FGL1: variants seen among roughly 807,000 people sequenced by gnomAD.
FGL1 encodes fibrinogen like 1.
FGL1 carries 59 observed loss-of-function variants against 43.7 expected under a neutral mutation model. The ratio of observed to expected loss-of-function variants is 1.35; its 90% confidence interval spans 1.10 to 1.68. The LOEUF is 1.68. Ranked by LOEUF, FGL1 falls within the 40% of genes most tolerant of loss-of-function variation. FGL1 has a pLI of 0.00. For missense variants in FGL1, 596 were observed against 373.0 expected (o/e 1.60, Z -4.92); for synonymous variants, 192 against 126.5 (o/e 1.52, Z -3.48).
In FGL1 at chr8:17,874,630, TG is replaced by T. The variant is rs564112410; in HGVS notation, c.245-110del. On this transcript the variant is annotated intron_variant, in intron 3 of 7. Transcript: ENST00000427924. ...AGTATCACTGGAGACAGATAACACA[TG>T]GTATAGAAATCAGCGTTTTAAAATT... 126 of 741,224 alleles carry T rather than the reference TG, an allele frequency of 1.7e-4. No individual in the cohort carries two copies. The South Asian group carries it at 2.5e-3, about 15-fold the overall frequency. 45.9% of individuals were successfully genotyped at this position (741,224 alleles called of 1,614,324 possible).
intron 5 of FGL1, among the ~76,000 whole-genome samples, chr8:17,871,831 C>G (rs2053367021): frequency 6.6e-6 from 1 of 152,072 alleles, no homozygotes; most frequent in Admixed American, 6.6e-5. Context: ...GCCTGAGTAC[C>G]AAGTTGATAT....
rs752482980 is a variant in FGL1, at chr8:17,864,756, T to C, written c.780-5A>G. ...TTCAGGTTTGCAGAGTGACACCTAG[T>C]GGAAGGGAGAAAAAAAAAGAAAACA... On this transcript the variant is annotated splice_polypyrimidine_tract_variant and splice_region_variant and intron_variant, in intron 7 of 7. Transcript: ENST00000427924. The C allele has an allele frequency of 2.1e-6, 3 of 1,449,126 alleles. No individual in the cohort carries two copies. In the South Asian group the frequency reaches 4.8e-5, roughly 23 times the overall value. 89.8% of individuals were successfully genotyped at this position (1,449,126 alleles called of 1,614,324 possible). A position where few individuals can be genotyped will look rare whatever the true frequency, so the allele number is the denominator to read the frequency against.
chr8:17,864,729 C>T lies in FGL1; in HGVS notation c.802G>A (p.Gly268Ser). ...GTGTAGGGGCCGCTGTAGTATACAC[C>T]ATTCAGGTTTGCAGAGTGACACCTA... ...FNRCHSANLNGVYYSGPYTAK... is the reference protein window; with the variant it reads ...FNRCHSANLNSVYYSGPYTAK... Residue 268 changes from glycine (G) to serine (S), a missense_variant, in exon 8 of 8, where the codon GGT (glycine) becomes AGT (serine). Coordinates refer to ENST00000427924, the MANE Select transcript of FGL1 (RefSeq NM_004467.4). 6.4e-7 allele frequency: 1 copy of T among 1,559,554 alleles called. No homozygotes were observed. The highest frequency in any genetic ancestry group is 2.0e-5 in the Admixed American group (1 of 49,052).
intron 6 of FGL1, 23 bp downstream of exon 6, chr8:17,868,893 T>G: frequency 1.3e-6 from 2 of 1,553,992 alleles, no homozygotes; most frequent in Non-Finnish European, 1.8e-6. Flanking sequence ...TTCACGGTTT[T>G]ACTTCTTAGA....
intron 1 of FGL1, among the ~76,000 whole-genome samples, chr8:17,888,078 A>T (rs2131742769): frequency 6.6e-6 from 1 of 152,106 alleles, no homozygotes; most frequent in Non-Finnish European, 1.5e-5. Flanking sequence ...AGTAATAGAA[A>T]TAGTAGATGT....
chr8:17,886,380 T>A (rs1563460467), intron 1 of FGL1, among the ~76,000 whole-genome samples: 1 of 152,236 alleles, frequency 6.6e-6, no homozygotes, highest in East Asian at 1.9e-4. Context: ...GAAGAAAAAG[T>A]TTAAAAGATG....
At chr8:17,867,663 T>C (rs1229708943) in intron 7 of FGL1, among the ~76,000 whole-genome samples, 1 of 152,176 alleles carries the variant, frequency 6.6e-6, no homozygotes, top group Non-Finnish European at 1.5e-5. Flanking sequence ...AGACTTCTAC[T>C]AAGTGTCTTG....
chr8:17,875,585 CTTTCT>C (rs2053443024), intron 3 of FGL1, among the ~76,000 whole-genome samples: 2 of 29,652 alleles, frequency 6.7e-5, no homozygotes, highest in Non-Finnish European at 1.8e-4. Flanking sequence ...TTCTTTCTTT[CTTTCT>C]TTCTTTCTTT....
Position 17,864,600 on chromosome 8 carries a change from C to A in FGL1, c.931G>T (p.Val311Leu), listed in dbSNP as rs913556082. ...KIRPNDFIPN[V>L]I ...AAGCCCAACAGCAGCAATTAAATTA[C>A]ATTTGGAATAAAATCATTTGGCCTA... Residue 311 changes from valine (V) to leucine (L), a missense_variant, in exon 8 of 8, where the codon GTA becomes TTA. Transcript: ENST00000427924. 1 of 1,603,108 alleles carries A rather than the reference C, an allele frequency of 6.2e-7. No individual in the cohort carries two copies. The highest frequency in any genetic ancestry group is 1.3e-5 in the African/African-American group (1 of 74,274).
In FGL1 at chr8:17,874,402, C is replaced by T. The variant is rs533463660; in HGVS notation, c.364G>A (p.Val122Ile). Residue 122 changes from valine (V) to isoleucine (I), a missense_variant, in exon 4 of 8, where the codon GTA becomes ATA. Val to Ile is a conservative substitution (Grantham distance 29). Coordinates refer to ENST00000427924, the MANE Select transcript of FGL1 (RefSeq NM_004467.4). ...CDMSDGGGWT[V>I]IQRRSDGSEN... ...CTGCCATCAGATCGTCTCTGAATTA[C>T]AGTCCATCCTCCTCCATCGGACATG... 125 of 1,614,088 alleles carry T rather than the reference C, an allele frequency of 7.7e-5. 2 individuals are homozygous for T. In the South Asian group the frequency reaches 1.1e-3, roughly 14 times the overall value.
At chr8:17,893,341 A>G (rs2053732562) in intron 1 of FGL1, among the ~76,000 whole-genome samples, 1 of 151,880 alleles carries the variant, frequency 6.6e-6, no homozygotes, top group Admixed American at 6.6e-5. Flanking sequence ...CCTATATATC[A>G]TATAATTTTA....
At chr8:17,883,633 A>T (rs1281749887) in intron 2 of FGL1, among the ~76,000 whole-genome samples, 1 of 144,678 alleles carries the variant, frequency 6.9e-6, no homozygotes, top group Middle Eastern at 3.3e-3. Context: ...ATATTATATC[A>T]AATACATATG....
In FGL1 at chr8:17,893,443, T is replaced by C. The variant is rs981475542; in HGVS notation, c.-18+2004A>G. On this transcript the variant is annotated intron_variant, in intron 1 of 7. Transcript: ENST00000427924. The stretch of plus-strand genomic sequence containing the variant: ...TATAGATTATATTATATATACATTA[T>C]ATAAGGTATATAAATATTGCTTAGC... Among the ~76,000 whole-genome samples the C allele has an allele frequency of 4.7e-5, 7 of 150,038 alleles. No individual in the cohort carries two copies. In the South Asian group the frequency reaches 1.3e-3, roughly 27 times the overall value.
Position 17,874,118 on chromosome 8 carries a change from T to TA in FGL1, c.405-3dup, listed in dbSNP as rs781198781. 6 of 1,608,790 alleles carry TA rather than the reference T, an allele frequency of 3.7e-6. No homozygotes were observed. In the African/African-American group the frequency reaches 8.0e-5, roughly 22 times the overall value. Reference sequence around the variant, plus strand: ...CCATTTTCATAGTCTTTCCATCCTCTAAAAAAGGTAAAGTGGAAGCCGATT... The same window carrying TA: ...CCATTTTCATAGTCTTTCCATCCTCTAAAAAAAGGTAAAGTGGAAGCCGATT... On this transcript the variant is annotated splice_polypyrimidine_tract_variant and splice_region_variant and intron_variant, in intron 4 of 7. Coordinates refer to ENST00000427924, the MANE Select transcript of FGL1 (RefSeq NM_004467.4).
At position 17,882,117 on chromosome 8, in the gene FGL1, G is replaced by C; in HGVS notation, c.126C>G (p.Thr42=). The C allele has an allele frequency of 6.2e-7, 1 of 1,613,978 alleles. No individual in the cohort carries two copies. Among genetic ancestry groups the C allele is most frequent in the Non-Finnish European group, 8.5e-7 (1 of 1,180,000 alleles). Residue 42 remains threonine, a synonymous_variant, in exon 3 of 8, where the codon ACC becomes ACG. Coordinates refer to ENST00000427924, the MANE Select transcript of FGL1 (RefSeq NM_004467.4). The part of the protein sequence containing the change: ...RLRAQVRLLE[T]RVKQQQVKIK... ...TCTTGACCTGTTGCTGTTTGACCCG[G>C]GTCTCAAGCAGGCGCACCTGGGCTC...
intron 2 of FGL1, among the ~76,000 whole-genome samples, chr8:17,883,455 T>G (rs186768219): frequency 0.07 from 8,632 of 123,974 alleles, 673 homozygotes; most frequent in African/African-American, 0.19. Context: ...AATGAATAGA[T>G]ATTATATAAT....
intron 1 of FGL1, among the ~76,000 whole-genome samples, chr8:17,889,242 C>T (rs2053671242): frequency 6.6e-6 from 1 of 152,186 alleles, no homozygotes; most frequent in Non-Finnish European, 1.5e-5. Flanking sequence ...TGTGTTTGGG[C>T]ATCACTAAAC....
chr8:17,882,364 G>A (rs1262464102), intron 2 of FGL1, 185 bp from the exon 3 acceptor site: 5 of 512,694 alleles, frequency 9.8e-6, no homozygotes, highest in East Asian at 3.4e-5. Context: ...TGGAAATTAT[G>A]GCTTATGCGA....
chr8:17,864,852 A>G, intron 7 of FGL1, 101 bp from the exon 8 acceptor site: 1 of 1,046,044 alleles, frequency 9.6e-7, no homozygotes, highest in Non-Finnish European at 1.3e-6. Flanking sequence ...TTTTTGAACT[A>G]TGAATTCTGC....
Sources: allele counts gnomAD v4.1 joint callset (sites outside exome capture counted in the v4.1 genomes callset), GRCh38; gene constraint gnomAD v4.1.1; transcripts MANE v1.5; gene names NCBI Gene and HGNC (gene_info 2026-07-23, HGNC 2026-07-21).